Variants in ABTB3 observed in about 807,000 individuals in gnomAD.
The protein encoded by ABTB3 is ankyrin repeat- and BTB/POZ domain-containing protein 3.
At chr12:107,469,541 G>A in the ABTB3 span, among the ~76,000 whole-genome samples, 79 of 152,266 alleles carry the variant, frequency 5.2e-4, no homozygotes, top group East Asian at 6.8e-3. Context: ...GACAGTGCCC[G>A]TCATGTACGG....
chr12:107,609,509 C>T, the ABTB3 span, among the ~76,000 whole-genome samples: 10 of 152,166 alleles, frequency 6.6e-5, no homozygotes, highest in Middle Eastern at 3.2e-3. Flanking sequence ...GTTCTCTGTC[C>T]TGCGACTGCG....
the ABTB3 span, among the ~76,000 whole-genome samples, chr12:107,357,943 G>A: frequency 2.0e-5 from 3 of 152,158 alleles, no homozygotes; most frequent in Admixed American, 6.5e-5. Context: ...AAAATTACAT[G>A]TCTCCAAAAT....
chr12:107,362,918 T>C, the ABTB3 span, among the ~76,000 whole-genome samples: 1 of 152,212 alleles, frequency 6.6e-6, no homozygotes, highest in African/African-American at 2.4e-5. Flanking sequence ...ATGAGGAAAC[T>C]AAGGGTTAGA....
At chr12:107,508,621 A>AT in the ABTB3 span, among the ~76,000 whole-genome samples, 1 of 151,246 alleles carries the variant, frequency 6.6e-6, no homozygotes, top group African/African-American at 2.4e-5. Context: ...TGCCCGGCCA[A>AT]TTTTTTGTAT....
chr12:107,507,869 C>G, the ABTB3 span, among the ~76,000 whole-genome samples: 1 of 152,216 alleles, frequency 6.6e-6, no homozygotes, highest in African/African-American at 2.4e-5. Flanking sequence ...TGACATGCCA[C>G]CCAGGTGGAA....
the ABTB3 span, among the ~76,000 whole-genome samples, chr12:107,447,814 C>T: frequency 1.3e-5 from 2 of 152,134 alleles, no homozygotes; most frequent in Non-Finnish European, 2.9e-5. Context: ...TTCATGAAGA[C>T]CTCCTGCAAG....
the ABTB3 span, among the ~76,000 whole-genome samples, chr12:107,535,264 T>C: frequency 6.6e-6 from 1 of 152,046 alleles, no homozygotes; most frequent in Non-Finnish European, 1.5e-5. Flanking sequence ...AAATTAGGCA[T>C]AGAAGGAAAA....
At chr12:107,501,427 C>T in the ABTB3 span, among the ~76,000 whole-genome samples, 21 of 151,540 alleles carry the variant, frequency 1.4e-4, no homozygotes, top group Admixed American at 2.6e-4. Flanking sequence ...TGGCTGGGCG[C>T]GGTGGCTCAC....
the ABTB3 span, chr12:107,486,368 C>T: frequency 2.6e-5 from 4 of 152,162 alleles, no homozygotes; most frequent in Non-Finnish European, 4.4e-5. Context: ...AACACAGCCA[C>T]ACCTATTCAC....
At chr12:107,467,585 C>T in the ABTB3 span, among the ~76,000 whole-genome samples, 3 of 152,122 alleles carry the variant, frequency 2.0e-5, no homozygotes, top group African/African-American at 7.2e-5. Context: ...ACTCCACAGC[C>T]ACTGACACAT....
the ABTB3 span, among the ~76,000 whole-genome samples, chr12:107,387,475 A>G: frequency 5.3e-5 from 8 of 152,172 alleles, no homozygotes; most frequent in Admixed American, 6.5e-5. Context: ...CAGCAGTGGC[A>G]ATCCAGGCAA....
the ABTB3 span, among the ~76,000 whole-genome samples, chr12:107,638,236 T>G: frequency 6.6e-6 from 1 of 151,926 alleles, no homozygotes; most frequent in Non-Finnish European, 1.5e-5. Context: ...GAAAGGTGAG[T>G]GGAGGACCAC....
chr12:107,484,648 C>A, the ABTB3 span, among the ~76,000 whole-genome samples: 3 of 150,864 alleles, frequency 2.0e-5, no homozygotes, highest in Admixed American at 2.0e-4. Flanking sequence ...TGAGAATAGA[C>A]CCTGGTGAGG....
chr12:107,374,219 G>A, the ABTB3 span, among the ~76,000 whole-genome samples: 1 of 152,198 alleles, frequency 6.6e-6, no homozygotes, highest in African/African-American at 2.4e-5. Context: ...CAAATCGGAG[G>A]CTTTGAGGTC....
At chr12:107,339,000 A>T in the ABTB3 span, among the ~76,000 whole-genome samples, 2 of 152,284 alleles carry the variant, frequency 1.3e-5, no homozygotes, top group East Asian at 3.9e-4. Flanking sequence ...TTATCAGAGC[A>T]TTTTGATTTA....
the ABTB3 span, among the ~76,000 whole-genome samples, chr12:107,398,849 A>G: frequency 6.6e-6 from 1 of 152,176 alleles, no homozygotes; most frequent in African/African-American, 2.4e-5. Context: ...ACCTTCTAAG[A>G]ATCAGTACAA....
chr12:107,326,661 T>C, the ABTB3 span, among the ~76,000 whole-genome samples: 2 of 152,218 alleles, frequency 1.3e-5, no homozygotes, highest in Admixed American at 6.5e-5. Flanking sequence ...TGGATAGTCC[T>C]ATCCATGAAG....
At chr12:107,609,843 G>C in the ABTB3 span, among the ~76,000 whole-genome samples, 7 of 152,238 alleles carry the variant, frequency 4.6e-5, no homozygotes, top group Admixed American at 3.9e-4. Context: ...GGGTGAAAGA[G>C]AGGTCATAGG....
At chr12:107,601,121 C>A in the ABTB3 span, among the ~76,000 whole-genome samples, 1 of 152,224 alleles carries the variant, frequency 6.6e-6, no homozygotes, top group Admixed American at 6.5e-5. Context: ...TCTTTTAAAC[C>A]TCATTGCAGA....
Sources: gnomAD v4.1 joint callset for allele counts (sites outside exome capture counted in the v4.1 genomes callset) on GRCh38, gnomAD v4.1.1 for gene constraint, MANE v1.5 for transcripts, NCBI Gene and HGNC (gene_info 2026-07-23, HGNC 2026-07-21) for gene names.